USP31: variants seen among roughly 807,000 people sequenced by gnomAD.
The protein encoded by USP31 is ubiquitin carboxyl-terminal hydrolase 31.
Under a neutral mutation model 119.4 loss-of-function variants are expected in USP31, and 44 were observed. The ratio of observed to expected loss-of-function variants is 0.37; its 90% confidence interval spans 0.29 to 0.47. USP31 has a LOEUF of 0.47. USP31 is among the 20% of genes least tolerant of loss of function. The pLI is 0.99. For missense variants in USP31, 1,643 were observed against 1,730.2 expected, an observed-to-expected ratio of 0.95 and a Z score of 0.89; for synonymous variants, 749 against 705.6, an observed-to-expected ratio of 1.06 and a Z score of -0.97.
At chr16:23,090,510 G>A in intron 7 of USP31, 114 bp downstream of exon 7, 3 of 1,087,338 alleles carry the variant, frequency 2.8e-6, no homozygotes, top group Non-Finnish European at 3.8e-6. Flanking sequence ...CTAAATATCA[G>A]AATCAAAAAT....
In USP31 at chr16:23,064,838, A is replaced by C. The variant is rs1380144450; in HGVS notation, c.*3208T>G. 1 of 81,216 alleles carries C rather than the reference A, an allele frequency of 1.2e-5. No homozygotes were observed. The highest frequency in any genetic ancestry group is 3.5e-5 in the African/African-American group (1 of 28,570). The allele number at this position is 81,216 out of a possible 1,614,324, so 5.0% of individuals were successfully genotyped here. A position where few individuals can be genotyped will look rare whatever the true frequency, so the allele number is the denominator to read the frequency against. ...TAAACGTTTGCAGAATGAATGATGA[A>C]AACAAGATTGCAAAAGCGTGTCAGG... On this transcript the variant is annotated 3_prime_UTR_variant, in exon 16 of 16. Transcript: ENST00000219689.
At chr16:23,110,405 CACAA>C (rs1361260736) in intron 1 of USP31, among the ~76,000 whole-genome samples, 2 of 152,092 alleles carry the variant, frequency 1.3e-5, no homozygotes, top group African/African-American at 2.4e-5. Flanking sequence ...AAGCAACATG[CACAA>C]ACAAAGATAC....
intron 1 of USP31, among the ~76,000 whole-genome samples, chr16:23,125,510 T>A (rs1196375796): frequency 6.6e-6 from 1 of 152,180 alleles, no homozygotes; most frequent in African/African-American, 2.4e-5. Flanking sequence ...AAGCAGCCAA[T>A]ACTCCTTTCT....
intron 13 of USP31, among the ~76,000 whole-genome samples, chr16:23,074,552 G>A (rs539523176): frequency 3.7e-4 from 56 of 152,196 alleles, no homozygotes; most frequent in Middle Eastern, 6.8e-3. Flanking sequence ...GCCCAAGGTC[G>A]TGCAGCTGGT....
chr16:23,116,104 A>G (rs115854342), intron 1 of USP31, among the ~76,000 whole-genome samples: 3,878 of 152,320 alleles, frequency 0.025, 60 homozygotes, highest in African/African-American at 0.042. Context: ...TCTTTTGGGA[A>G]GAAGGGTAGC....
chr16:23,068,495 G>A lies in USP31; in HGVS notation c.3610C>T (p.Leu1204=). 3 of 1,613,412 alleles carry A rather than the reference G, an allele frequency of 1.9e-6. No individual in the cohort carries two copies. The highest frequency in any genetic ancestry group is 2.5e-6 in the Non-Finnish European group (3 of 1,179,572). The change falls in exon 16 of 16, where the codon CTG becomes TTG. Residue 1204 remains leucine, a synonymous_variant. Coordinates refer to ENST00000219689, the MANE Select transcript of USP31 (RefSeq NM_020718.4). ...KHVRSSSMAS[L]RSPSTSIKSG... ...TTGATGCTTGTGCTGGGGGAGCGCA[G>A]GCTGGCCATGGAGGAGCTCCGCACG...
intron 1 of USP31, among the ~76,000 whole-genome samples, chr16:23,120,942 C>T (rs1443887224): frequency 6.6e-6 from 1 of 152,060 alleles, no homozygotes; most frequent in Non-Finnish European, 1.5e-5. Context: ...TATACACACA[C>T]AAGAGGCAAA....
At chr16:23,104,420 G>A (rs915594280) in intron 5 of USP31, among the ~76,000 whole-genome samples, 3 of 152,198 alleles carry the variant, frequency 2.0e-5, no homozygotes, top group African/African-American at 7.2e-5. Context: ...CTCTAAAGAT[G>A]CAACCAGATT....
chr16:23,074,116 C>T (rs561984497), intron 13 of USP31, among the ~76,000 whole-genome samples: 49 of 152,254 alleles, frequency 3.2e-4, no homozygotes, highest in African/African-American at 1.1e-3. Context: ...TCTTAGAAAA[C>T]ACATACTTAT....
At chr16:23,095,339 G>C (rs1182334922) in intron 6 of USP31, among the ~76,000 whole-genome samples, 1 of 152,082 alleles carries the variant, frequency 6.6e-6, no homozygotes, top group Admixed American at 6.5e-5. Flanking sequence ...AAAAAATATG[G>C]GGCTACGTGA....
chr16:23,128,643 A>C (rs988840856), intron 1 of USP31, among the ~76,000 whole-genome samples: 1 of 152,222 alleles, frequency 6.6e-6, no homozygotes, highest in African/African-American at 2.4e-5. Context: ...GTAAAAAAGG[A>C]ATGTTAGAAT....
intron 6 of USP31, among the ~76,000 whole-genome samples, chr16:23,097,428 C>T (rs917078310): frequency 1.3e-5 from 2 of 152,184 alleles, no homozygotes; most frequent in African/African-American, 4.8e-5. Context: ...CCTTCTGAAA[C>T]TATTCCAATC....
At chr16:23,112,750 C>T (rs976416584) in intron 1 of USP31, among the ~76,000 whole-genome samples, 1 of 151,812 alleles carries the variant, frequency 6.6e-6, no homozygotes, top group Non-Finnish European at 1.5e-5. Flanking sequence ...AATGAATAGG[C>T]GGGTGTGGTG....
At chr16:23,143,487 C>G (rs1903411792) in intron 1 of USP31, among the ~76,000 whole-genome samples, 1 of 151,448 alleles carries the variant, frequency 6.6e-6, no homozygotes, top group Non-Finnish European at 1.5e-5. Flanking sequence ...GAAAGTGATG[C>G]AAGGGTCCTG....
intron 1 of USP31, among the ~76,000 whole-genome samples, chr16:23,111,654 C>G (rs1902322173): frequency 6.6e-6 from 1 of 152,018 alleles, no homozygotes; most frequent in Non-Finnish European, 1.5e-5. Context: ...TGAGAGTGCT[C>G]AGACATCATC....
rs1440121161 is a variant in USP31, at chr16:23,065,168, A to G, written c.*2878T>C. 1.3e-5 allele frequency: 2 copies of G among 152,146 alleles called. No homozygotes were observed. The highest frequency in any genetic ancestry group is 4.8e-5 in the African/African-American group (2 of 41,420). The allele number at this position is 152,146 out of a possible 1,614,324, so 9.4% of individuals were successfully genotyped here. A position where few individuals can be genotyped will look rare whatever the true frequency, so the allele number is the denominator to read the frequency against. ...AAACAAACATTACAGATACAACATTACTGTTGGTGATTATTTTGTGCCTAC... is the reference window on the plus strand; with the variant it reads ...AAACAAACATTACAGATACAACATTGCTGTTGGTGATTATTTTGTGCCTAC... On this transcript the variant is annotated 3_prime_UTR_variant, in exon 16 of 16. Transcript: ENST00000219689.
chr16:23,096,882 A>C (rs1205668487), intron 6 of USP31, among the ~76,000 whole-genome samples: 1 of 152,194 alleles, frequency 6.6e-6, no homozygotes, highest in Non-Finnish European at 1.5e-5. Flanking sequence ...GCCCACAGGA[A>C]AAAGCAGGAA....
chr16:23,084,725 A>T, intron 11 of USP31, 135 bp downstream of exon 11: 1 of 1,157,450 alleles, frequency 8.6e-7, no homozygotes, highest in Non-Finnish European at 1.2e-6. Flanking sequence ...TAAGATGCTC[A>T]TTACATGTGC....
chr16:23,085,811 A>G, intron 9 of USP31, 149 bp from the exon 10 acceptor site: 1 of 688,240 alleles, frequency 1.5e-6, no homozygotes, highest in Non-Finnish European at 2.5e-6. Context: ...AAAAGTTTTC[A>G]GCAAGACCAC....
Sources: allele counts gnomAD v4.1 joint callset (sites outside exome capture counted in the v4.1 genomes callset), GRCh38; gene constraint gnomAD v4.1.1; transcripts MANE v1.5; gene names NCBI Gene and HGNC (gene_info 2026-07-23, HGNC 2026-07-21).